Variants in MMP12 observed in about 807,000 individuals in gnomAD.
The protein encoded by MMP12 is matrix metallopeptidase 12.
In MMP12, 51 loss-of-function variants were observed where a neutral mutation model predicts 45.2. The observed-to-expected ratio is 1.13, with a 90% CI of 0.90 to 1.42. MMP12 has a LOEUF of 1.42. MMP12 is among the 40% of genes most tolerant of loss of function. The pLI is 0.00. For synonymous variants in MMP12, 210 were observed against 193.3 expected (o/e 1.09, Z -0.72); for missense variants, 530 against 570.8 (o/e 0.93, Z 0.73).
rs201591811 is a variant in MMP12 at position 102,864,127 on chromosome 11, G to C, written c.1312+19C>G. 9.4e-6 allele frequency: 14 copies of C among 1,485,418 alleles called. No homozygotes were observed. Among genetic ancestry groups the C allele is most frequent in the Non-Finnish European group, 1.1e-5 (12 of 1,063,258 alleles). The allele number at this position is 1,485,418 out of a possible 1,614,324, so 92.0% of individuals were successfully genotyped here. A position where few individuals can be genotyped will look rare whatever the true frequency, so the allele number is the denominator to read the frequency against. ...GAAATGTTATTTCCAGTATCTTCAT[G>C]GTTTCCTCATCTACTTACTGTTTTT... On this transcript the variant is annotated intron_variant, in intron 9 of 9. Transcript: ENST00000571244.
At chr11:102,870,849 C>T (rs1555009235) in intron 4 of MMP12, among the ~76,000 whole-genome samples, 1 of 152,182 alleles carries the variant, frequency 6.6e-6, no homozygotes, top group Admixed American at 6.5e-5. Flanking sequence ...TTCTTTCTTG[C>T]TCACTATGAA....
At chr11:102,869,878 C>T (rs1219583367) in intron 4 of MMP12, among the ~76,000 whole-genome samples, 1 of 152,078 alleles carries the variant, frequency 6.6e-6, no homozygotes, top group African/African-American at 2.4e-5. Flanking sequence ...GAGATTGCAC[C>T]ACTGCACTCC....
intron 1 of MMP12, among the ~76,000 whole-genome samples, chr11:102,873,768 C>A (rs1433857889): frequency 6.6e-6 from 1 of 152,068 alleles, no homozygotes; most frequent in African/African-American, 2.4e-5. Flanking sequence ...GTGGTGCATA[C>A]CGGTAATCCC....
intron 5 of MMP12, 137 bp downstream of exon 5, chr11:102,867,771 G>T: frequency 1.1e-6 from 1 of 885,632 alleles, no homozygotes; most frequent in Non-Finnish European, 1.7e-6. Flanking sequence ...GATAATACCT[G>T]TGTCACCTGC....
intron 4 of MMP12, among the ~76,000 whole-genome samples, chr11:102,870,052 G>A (rs903993063): frequency 6.6e-6 from 1 of 152,122 alleles, no homozygotes; most frequent in Admixed American, 6.5e-5. Context: ...AGGCAATATG[G>A]ACAGATAGAA....
At position 102,868,018 on chromosome 11, in the gene MMP12, A is replaced by C. The variant is rs781837149; in HGVS notation, c.677T>G (p.Leu226Arg). 6.2e-7 allele frequency: 1 copy of C among 1,604,866 alleles called. No individual in the cohort carries two copies. The highest frequency in any genetic ancestry group is 1.3e-5 in the African/African-American group (1 of 74,818). The change falls in exon 5 of 10, where the codon CTT becomes CGT. Residue 226 changes from leucine to arginine, a missense_variant. By Grantham distance (102) the Leu-to-Arg change is moderately radical. Coordinates refer to ENST00000571244, the MANE Select transcript of MMP12 (RefSeq NM_002426.6). ...GGCCTTTGGATCACTAGAATGGCCAAGACCTAAGGAATGGCCAATCTCGTG... is the reference window on the plus strand; with the variant it reads ...GGCCTTTGGATCACTAGAATGGCCACGACCTAAGGAATGGCCAATCTCGTG... ...AVHEIGHSLG[L>R]GHSSDPKAVM... is the part of the protein sequence containing the mutation.
chr11:102,871,237 A>C, intron 4 of MMP12, among the ~76,000 whole-genome samples: 1 of 152,128 alleles, frequency 6.6e-6, no homozygotes. Flanking sequence ...CTCAAAAAAA[A>C]AAACTTACCA....
chr11:102,872,568 C>G (rs1001679108), intron 2 of MMP12, among the ~76,000 whole-genome samples: 2 of 152,164 alleles, frequency 1.3e-5, no homozygotes, highest in Non-Finnish European at 2.9e-5. Context: ...GTCTCCATCT[C>G]CTGACCTCGT....
rs1159714068 is a variant in MMP12, at chr11:102,865,945, C to T, written c.1046-10G>A. On this transcript the variant is annotated splice_polypyrimidine_tract_variant and intron_variant, in intron 7 of 9. Coordinates refer to ENST00000571244, the MANE Select transcript of MMP12 (RefSeq NM_002426.6). This position sits in a 1 kb window ranked among gnomAD's most constrained non-coding sequence, Gnocchi z 4.1. Reference sequence around the variant, plus strand: ...AACCAGTATTTGTCATCTGTGAAGACAAAGAAATAGGGTAAATTTGAATTA... The same window carrying T: ...AACCAGTATTTGTCATCTGTGAAGATAAAGAAATAGGGTAAATTTGAATTA... 2.5e-6 allele frequency: 4 copies of T among 1,594,064 alleles called. No homozygotes were observed. In the African/African-American group the frequency reaches 5.4e-5, roughly 22 times the overall value.
In MMP12 at chr11:102,866,298, C is replaced by G. The variant is rs782066379; in HGVS notation, c.1045+17G>C. 1.3e-6 allele frequency: 2 copies of G among 1,554,144 alleles called. No homozygotes were observed. Among genetic ancestry groups the G allele is most frequent in the South Asian group, 1.2e-5 (1 of 82,818 alleles). On this transcript the variant is annotated intron_variant, in intron 7 of 9. Transcript: ENST00000571244. ...CCTTGAAGTAAACTCAATGGCAAAA[C>G]TAAAGATTAGAATTACCTTTAAAAA...
chr11:102,872,798 T>C (rs1243811607), intron 2 of MMP12, 67 bp downstream of exon 2: 4 of 1,546,720 alleles, frequency 2.6e-6, no homozygotes, highest in Non-Finnish European at 3.5e-6. Context: ...GCTGTCTAAC[T>C]GGTTCAGGTT....
chr11:102,873,223 G>T, intron 1 of MMP12, 111 bp from the exon 2 acceptor site: 1 of 917,748 alleles, frequency 1.1e-6, no homozygotes, highest in Non-Finnish European at 1.6e-6. Flanking sequence ...CAGGAATTTT[G>T]CACATCTTAC....
In MMP12 at chr11:102,867,409, G is replaced by A. The variant is rs536460299; in HGVS notation, c.788-16C>T. ...TTTGGGTCTCCTGAAAATACATTTC[G>A]AGAAGCATTAGTAAACAAAATCTGC... On this transcript the variant is annotated splice_polypyrimidine_tract_variant and intron_variant, in intron 5 of 9. Coordinates refer to ENST00000571244, the MANE Select transcript of MMP12 (RefSeq NM_002426.6). 1.6e-5 allele frequency: 25 copies of A among 1,595,968 alleles called. No homozygotes were observed. The highest frequency in any genetic ancestry group is 1.8e-5 in the Non-Finnish European group (21 of 1,173,512).
At position 102,863,535 on chromosome 11, in the gene MMP12, C is replaced by T. The variant is rs28381696; in HGVS notation, c.1313-335G>A. ...ACGTCTACCAACAGCCAGTCATACT[C>T]CAAGTGGAGGACTCATGAAACAGGA... On this transcript the variant is annotated intron_variant, in intron 9 of 9. Transcript: ENST00000571244. 1.5e-3 allele frequency among the ~76,000 whole-genome samples: 222 copies of T among 152,242 alleles called. 1 individual carries two copies. The highest frequency in any genetic ancestry group is 8.3e-3 in the South Asian group (40 of 4,812).
chr11:102,863,644 A>G (rs28381695), intron 9 of MMP12, among the ~76,000 whole-genome samples: 1,778 of 152,158 alleles, frequency 0.012, 34 homozygotes, highest in African/African-American at 0.04. Context: ...AAAAATCTTG[A>G]CCCCATGAAC....
intron 4 of MMP12, among the ~76,000 whole-genome samples, chr11:102,869,999 A>G (rs1436429609): frequency 2.0e-5 from 3 of 152,188 alleles, no homozygotes; most frequent in Non-Finnish European, 2.9e-5. Flanking sequence ...GTCATAAATA[A>G]CTTCACTTTT....
chr11:102,871,238 A>G (rs7123600), intron 4 of MMP12, among the ~76,000 whole-genome samples: 41,643 of 151,910 alleles, frequency 0.27, 6,149 homozygotes, highest in South Asian at 0.46. Context: ...TCAAAAAAAA[A>G]AACTTACCAC....
In MMP12 at chr11:102,873,089, G is replaced by C. The variant is rs1555009649; in HGVS notation, c.126C>G (p.Gly42=). Residue 42 remains glycine (G), a synonymous_variant, in exon 2 of 10, where the codon GGC becomes GGG. Coordinates refer to ENST00000571244, the MANE Select transcript of MMP12 (RefSeq NM_002426.6). ...FGERYLEKFY[G]LEINKLPVTK... is the part of the protein sequence containing the mutation. ...TCACTGGAAGTTTGTTTATCTCAAG[G>C]CCATAAAATTTTTCTAAGTATCTCT... The C allele has an allele frequency of 3.1e-6, 5 of 1,611,894 alleles. No individual in the cohort carries two copies. The highest frequency in any genetic ancestry group is 4.2e-6 in the Non-Finnish European group (5 of 1,179,106).
intron 4 of MMP12, among the ~76,000 whole-genome samples, chr11:102,870,865 GA>G (rs1859480641): frequency 6.6e-6 from 1 of 152,188 alleles, no homozygotes; most frequent in East Asian, 1.9e-4. Context: ...ATGAATCTAA[GA>G]AATTGTCAGC....
Sources: allele counts gnomAD v4.1 joint callset (sites outside exome capture counted in the v4.1 genomes callset), GRCh38; gene constraint gnomAD v4.1.1; non-coding constraint Gnocchi (gnomAD v3.1); transcripts MANE v1.5; gene names NCBI Gene and HGNC (gene_info 2026-07-23, HGNC 2026-07-21).